Variants in GAB2 observed in about 807,000 individuals in gnomAD.
GAB2 encodes the protein GRB2-associated-binding protein 2.
A neutral mutation model predicts 65.5 loss-of-function variants in GAB2; 26 were observed. The ratio of observed to expected loss-of-function variants is 0.40; its 90% CI spans 0.29 to 0.55. The LOEUF is 0.55. Ranked by LOEUF, GAB2 falls within the 20% of genes least tolerant of loss-of-function variation. GAB2 has a pLI of 0.53. For missense variants in GAB2, 884 were observed against 875.8 expected (o/e 1.01, Z -0.12); for synonymous variants, 321 against 329.6 (o/e 0.97, Z 0.28).
intron 1 of GAB2, among the ~76,000 whole-genome samples, chr11:78,297,257 AG>A (rs1866857516): frequency 1.3e-5 from 2 of 151,934 alleles, no homozygotes; most frequent in East Asian, 3.8e-4. Context: ...AAATTATTGA[AG>A]GTAAGTCAAA....
intron 1 of GAB2, among the ~76,000 whole-genome samples, chr11:78,356,218 A>C (rs1856357592): frequency 6.6e-6 from 1 of 151,144 alleles, no homozygotes; most frequent in Non-Finnish European, 1.5e-5. Flanking sequence ...GGAAGGGGTG[A>C]TGTTTAGAAA....
intron 9 of GAB2, among the ~76,000 whole-genome samples, chr11:78,219,733 C>G (rs567000527): frequency 2.0e-5 from 3 of 152,308 alleles, no homozygotes; most frequent in African/African-American, 4.8e-5. Context: ...CCACCCATCT[C>G]TGTCAGGTCG....
chr11:78,306,007 A>C (rs1014518794), intron 1 of GAB2, among the ~76,000 whole-genome samples: 1 of 152,214 alleles, frequency 6.6e-6, no homozygotes, highest in African/African-American at 2.4e-5. Context: ...AAAATACAGA[A>C]TCAAGCCCAG....
chr11:78,393,722 A>G (rs941844658), intron 1 of GAB2, among the ~76,000 whole-genome samples: 1 of 152,262 alleles, frequency 6.6e-6, no homozygotes, highest in Non-Finnish European at 1.5e-5. Flanking sequence ...TAAAATATCC[A>G]AGAACAGAAG....
intron 3 of GAB2, among the ~76,000 whole-genome samples, chr11:78,230,240 T>G (rs1309349109): frequency 6.6e-6 from 1 of 152,236 alleles, no homozygotes; most frequent in Non-Finnish European, 1.5e-5. Context: ...CCTTCCTCTG[T>G]AGAACCCACT....
chr11:78,300,732 T>C (rs1447200031), intron 1 of GAB2, among the ~76,000 whole-genome samples: 1 of 148,222 alleles, frequency 6.7e-6, no homozygotes, highest in African/African-American at 2.5e-5. Context: ...CCTCACTCTG[T>C]TGCCCAGGCT....
At chr11:78,387,956 TTAAC>T (rs1749644296) in intron 1 of GAB2, 1 of 152,182 alleles carries the variant, frequency 6.6e-6, no homozygotes. Context: ...AAAGTGAAGG[TTAAC>T]TAATACATAA....
At chr11:78,411,162 G>GC (rs1857123989) in intron 1 of GAB2, among the ~76,000 whole-genome samples, 1 of 148,424 alleles carries the variant, frequency 6.7e-6, no homozygotes, top group African/African-American at 2.5e-5. Context: ...GGGTGGTTGG[G>GC]GGGGGGGATG....
intron 4 of GAB2, 106 bp downstream of exon 4, chr11:78,226,359 G>A (rs1335713758): frequency 8.0e-6 from 7 of 877,194 alleles, no homozygotes. Context: ...GACCTAGGTG[G>A]TTCGTAAGTT....
chr11:78,228,212 A>G (rs1864743506), intron 3 of GAB2, among the ~76,000 whole-genome samples: 1 of 152,150 alleles, frequency 6.6e-6, no homozygotes, highest in Non-Finnish European at 1.5e-5. Context: ...TGGTTTTCAA[A>G]CTAGATTCCA....
At chr11:78,294,597 T>A (rs547259855) in intron 1 of GAB2, among the ~76,000 whole-genome samples, 10 of 152,306 alleles carry the variant, frequency 6.6e-5, no homozygotes, top group African/African-American at 1.9e-4. Context: ...GATTTTTTAA[T>A]GATCGCCATT....
intron 1 of GAB2, among the ~76,000 whole-genome samples, chr11:78,322,797 T>TAAAA (rs34497179): frequency 1.7e-5 from 2 of 117,834 alleles, no homozygotes; most frequent in African/African-American, 3.1e-5. Context: ...TACTGAAAAG[T>TAAAA]AAAAAAAAAA....
intron 4 of GAB2, among the ~76,000 whole-genome samples, 160 bp from the exon 5 acceptor site, chr11:78,225,362 G>T (rs1268641396): frequency 3.9e-5 from 6 of 152,160 alleles, no homozygotes; most frequent in African/African-American, 1.4e-4. Context: ...TCACTCCTCA[G>T]TTCAAAAATT....
chr11:78,245,887 A>G (rs1361396523), intron 3 of GAB2, among the ~76,000 whole-genome samples: 1 of 152,052 alleles, frequency 6.6e-6, no homozygotes, highest in Non-Finnish European at 1.5e-5. Context: ...TACATTCCCA[A>G]AGGATACTTT....
intron 1 of GAB2, among the ~76,000 whole-genome samples, chr11:78,289,251 T>C (rs944816705): frequency 3.3e-5 from 5 of 151,816 alleles, no homozygotes; most frequent in African/African-American, 1.2e-4. Context: ...AATTTTAATA[T>C]AAAAAAGAAA....
chr11:78,331,735 A>G (rs1034872466), intron 1 of GAB2, among the ~76,000 whole-genome samples: 21 of 152,312 alleles, frequency 1.4e-4, no homozygotes, highest in African/African-American at 5.1e-4. Flanking sequence ...AAGGGATTAC[A>G]GAGGTCCCAG....
intron 1 of GAB2, among the ~76,000 whole-genome samples, chr11:78,393,022 AAC>A (rs1372277106): frequency 6.6e-6 from 1 of 152,214 alleles, no homozygotes; most frequent in Non-Finnish European, 1.5e-5. Context: ...AGAGACTAAA[AAC>A]ACAGTCACGC....
At chr11:78,375,273 T>A (rs969577575) in intron 1 of GAB2, among the ~76,000 whole-genome samples, 5 of 152,224 alleles carry the variant, frequency 3.3e-5, no homozygotes, top group African/African-American at 1.2e-4. Flanking sequence ...TCTTGTGAGA[T>A]TTTTTAAAAT....
intron 1 of GAB2, among the ~76,000 whole-genome samples, chr11:78,293,637 G>A (rs2134610127): frequency 6.6e-6 from 1 of 152,262 alleles, no homozygotes; most frequent in Admixed American, 6.5e-5. Flanking sequence ...CATCCTACAT[G>A]CCACTGTGAT....
Sources: allele counts gnomAD v4.1 joint callset (sites outside exome capture counted in the v4.1 genomes callset), GRCh38; gene constraint gnomAD v4.1.1; transcripts MANE v1.5; gene names NCBI Gene and HGNC (gene_info 2026-07-23, HGNC 2026-07-21).